PRH1: variants seen among roughly 807,000 people sequenced by gnomAD.
The protein encoded by PRH1 is salivary acidic proline-rich phosphoprotein 1/2.
In PRH1, 7 loss-of-function variants were observed where a neutral mutation model predicts 7.9. The observed-to-expected ratio is 0.89, with a 90% confidence interval of 0.50 to 1.67. The LOEUF (loss-of-function observed/expected upper bound fraction) is 1.67. Among genes scored for constraint, PRH1 ranks in the 40% most tolerant of loss-of-function variants. PRH1 has a pLI of 0.00. For synonymous variants in PRH1, 45 were observed against 80.8 expected (o/e 0.56, Z 2.38); for missense variants, 109 against 223.6 (o/e 0.49, Z 3.27).
chr12:10,968,173 C>T (rs572807857), intron 2 of PRH1, among the ~76,000 whole-genome samples: 13 of 152,100 alleles, frequency 8.5e-5, no homozygotes, highest in African/African-American at 1.2e-4. Context: ...ATTGTATTTA[C>T]GTTAAAAACT....
upstream of PRH1, among the ~76,000 whole-genome samples, chr12:10,887,523 TTC>T (rs1207583194): frequency 1.9e-5 from 2 of 107,020 alleles, no homozygotes; most frequent in Non-Finnish European, 2.2e-5. Flanking sequence ...TTTAGCATAT[TTC>T]TTTTTTTTTT....
At chr12:11,062,013 G>T in intron 1 of PRH1, 1 of 1,613,800 alleles carries the variant, frequency 6.2e-7, no homozygotes. Context: ...GCCAGTTGCT[G>T]AAATGGTTGA....
intron 2 of PRH1, among the ~76,000 whole-genome samples, chr12:10,926,598 G>A (rs998925641): frequency 1.3e-5 from 2 of 152,162 alleles, no homozygotes; most frequent in African/African-American, 2.4e-5. Flanking sequence ...GGATGTACTG[G>A]GGGAAGAATG....
chr12:11,149,202 A>G (rs1946979896), intron 1 of PRH1, among the ~76,000 whole-genome samples: 1 of 150,420 alleles, frequency 6.6e-6, no homozygotes, highest in South Asian at 2.1e-4. Flanking sequence ...TCTTGCTAGC[A>G]GTCTATCAAT....
At chr12:11,139,663 A>T (rs1429979279) in intron 1 of PRH1, among the ~76,000 whole-genome samples, 1 of 152,182 alleles carries the variant, frequency 6.6e-6, no homozygotes, top group Non-Finnish European at 1.5e-5. Flanking sequence ...TAAGTATGCC[A>T]TAATTTGTTT....
At chr12:11,066,097 G>A (rs1297810584) in intron 1 of PRH1, among the ~76,000 whole-genome samples, 1 of 151,846 alleles carries the variant, frequency 6.6e-6, no homozygotes, top group South Asian at 2.1e-4. Context: ...GAGTAAAACA[G>A]TACATACAAG....
intron 1 of PRH1, among the ~76,000 whole-genome samples, chr12:11,028,402 T>A (rs1942023861): frequency 6.6e-6 from 1 of 152,214 alleles, no homozygotes; most frequent in South Asian, 2.1e-4. Context: ...CTCTCTCACC[T>A]CACTGTGAAG....
upstream of PRH1, among the ~76,000 whole-genome samples, chr12:10,886,306 T>C (rs1949491525): frequency 6.6e-6 from 1 of 152,092 alleles, no homozygotes; most frequent in Non-Finnish European, 1.5e-5. Context: ...CAGGCAGATA[T>C]TGCCTGATGA....
chr12:11,171,591 G>A (rs768798271), upstream of PRH1: 70 of 1,227,890 alleles, frequency 5.7e-5, no homozygotes, highest in Non-Finnish European at 6.3e-5. Context: ...CGGCCTCCGG[G>A]GCCAGCATGA....
At chr12:11,006,931 G>A (rs910519119) in intron 1 of PRH1, among the ~76,000 whole-genome samples, 1 of 151,998 alleles carries the variant, frequency 6.6e-6, no homozygotes, top group African/African-American at 2.4e-5. Flanking sequence ...GAAGTGAAAG[G>A]TGAATTCCCG....
intron 1 of PRH1, chr12:11,077,536 A>C (rs1297453959): frequency 8.5e-7 from 1 of 1,175,010 alleles, no homozygotes; most frequent in Non-Finnish European, 1.2e-6. Context: ...GGCATATAAC[A>C]TGAGGAAGGA....
chr12:10,980,417 A>G (rs1846587876), intron 1 of PRH1, among the ~76,000 whole-genome samples: 1 of 152,150 alleles, frequency 6.6e-6, no homozygotes, highest in African/African-American at 2.4e-5. Flanking sequence ...CTGAGTCACT[A>G]TCACTCTGAA....
chr12:10,925,469 C>T (rs1350057069), intron 2 of PRH1, among the ~76,000 whole-genome samples: 1 of 152,116 alleles, frequency 6.6e-6, no homozygotes, highest in East Asian at 1.9e-4. Flanking sequence ...TCAAGTTTTG[C>T]CAATGCTAAT....
intron 2 of PRH1, among the ~76,000 whole-genome samples, chr12:10,951,815 A>G (rs969798464): frequency 4.6e-5 from 7 of 152,238 alleles, no homozygotes; most frequent in Non-Finnish European, 8.8e-5. Context: ...CTTTCATTTT[A>G]ACTTATTTTT....
chr12:11,035,066 T>A (rs1260114263), intron 1 of PRH1, among the ~76,000 whole-genome samples: 1 of 151,996 alleles, frequency 6.6e-6, no homozygotes, highest in Non-Finnish European at 1.5e-5. Flanking sequence ...TAGACAGTTA[T>A]TCCCTTTAAC....
chr12:10,978,340 T>C (rs143115969), intron 1 of PRH1, among the ~76,000 whole-genome samples: 1 of 152,300 alleles, frequency 6.6e-6, no homozygotes, highest in East Asian at 1.9e-4. Context: ...CAACAAATAA[T>C]GCTGAGATAA....
intron 2 of PRH1, among the ~76,000 whole-genome samples, chr12:10,918,661 G>A (rs535528600): frequency 2.0e-5 from 3 of 152,306 alleles, no homozygotes; most frequent in African/African-American, 7.2e-5. Context: ...GAGACTGCTC[G>A]TAACTTTGCA....
intron 2 of PRH1, chr12:10,938,950 A>T (rs1317866480): frequency 4.3e-6 from 7 of 1,613,700 alleles, no homozygotes; most frequent in Admixed American, 1.7e-5. Context: ...TCCAGATATT[A>T]GTAAGCATTC....
chr12:11,157,552 G>A (rs1947290647), intron 1 of PRH1, among the ~76,000 whole-genome samples: 1 of 152,112 alleles, frequency 6.6e-6, no homozygotes. Flanking sequence ...TTATACAAAT[G>A]CTATTTACAC....
Sources: allele counts gnomAD v4.1 joint callset (sites outside exome capture counted in the v4.1 genomes callset), GRCh38; gene constraint gnomAD v4.1.1; transcripts MANE v1.5; gene names NCBI Gene and HGNC (gene_info 2026-07-23, HGNC 2026-07-21).